SLC16A10: variants seen among roughly 807,000 people sequenced by gnomAD.
The protein encoded by SLC16A10 is monocarboxylate transporter 10.
In SLC16A10, 27 loss-of-function variants were observed where a neutral mutation model predicts 40.0. The observed-to-expected ratio is 0.67, with a 90% confidence interval of 0.50 to 0.93. The LOEUF is 0.93. SLC16A10 is among the 40% of genes least tolerant of loss of function. SLC16A10 has a pLI of 0.00. For synonymous variants in SLC16A10, 213 were observed against 249.8 expected, an observed-to-expected ratio of 0.85 and a Z score of 1.39; for missense variants, 529 against 658.2, an observed-to-expected ratio of 0.80 and a Z score of 2.15.
At position 111,177,422 on chromosome 6, in the gene SLC16A10, A is replaced by G; in HGVS notation, c.699A>G (p.Thr233=). 6.2e-7 allele frequency: 1 copy of G among 1,613,998 alleles called. No individual in the cohort carries two copies. The highest frequency in any genetic ancestry group is 8.5e-7 in the Non-Finnish European group (1 of 1,179,986). ...VLIDSVGLFY[T]LRVLCIFMFV... Reference sequence around the variant, plus strand: ...TTGACAGCGTGGGCCTCTTTTACACATTGAGGGTGCTCTGCATCTTCATGT... The same window carrying G: ...TTGACAGCGTGGGCCTCTTTTACACGTTGAGGGTGCTCTGCATCTTCATGT... Residue 233 remains threonine, a synonymous_variant, in exon 3 of 6, where the codon ACA becomes ACG. Coordinates refer to ENST00000368851, the MANE Select transcript of SLC16A10 (RefSeq NM_018593.5).
intron 2 of SLC16A10, among the ~76,000 whole-genome samples, chr6:111,174,181 C>A (rs1035198091): frequency 6.6e-6 from 1 of 152,176 alleles, no homozygotes. Context: ...TGATTTCCAT[C>A]CTTTGTCTCT....
chr6:111,162,449 G>A (rs879658779), intron 1 of SLC16A10, among the ~76,000 whole-genome samples: 7 of 152,200 alleles, frequency 4.6e-5, no homozygotes, highest in Non-Finnish European at 1.0e-4. Flanking sequence ...TCTGTACAGG[G>A]ACTGTGTAGA....
At chr6:111,150,430 G>A (rs1277690101) in intron 1 of SLC16A10, among the ~76,000 whole-genome samples, 1 of 152,104 alleles carries the variant, frequency 6.6e-6, no homozygotes, top group Non-Finnish European at 1.5e-5. Flanking sequence ...TAGACTGTCT[G>A]GCACATTGTA....
At chr6:111,124,594 C>T (rs975499115) in intron 1 of SLC16A10, among the ~76,000 whole-genome samples, 4 of 152,144 alleles carry the variant, frequency 2.6e-5, no homozygotes, top group African/African-American at 9.7e-5. Context: ...AACTCCTGGG[C>T]TCGGGCCATC....
intron 3 of SLC16A10, among the ~76,000 whole-genome samples, chr6:111,198,595 A>C (rs1773117436): frequency 6.6e-6 from 1 of 152,230 alleles, no homozygotes; most frequent in Non-Finnish European, 1.5e-5. Context: ...TGCTGTAGGC[A>C]GTTGTAACAC....
At chr6:111,094,812 A>G (rs1022152988) in intron 1 of SLC16A10, among the ~76,000 whole-genome samples, 9 of 152,078 alleles carry the variant, frequency 5.9e-5, no homozygotes, top group Admixed American at 6.5e-5. Flanking sequence ...TAATTAAAAA[A>G]AATTTTTATG....
At chr6:111,210,501 T>C in intron 4 of SLC16A10, among the ~76,000 whole-genome samples, 1 of 152,226 alleles carries the variant, frequency 6.6e-6, no homozygotes, top group East Asian at 1.9e-4. Flanking sequence ...CTTTCAGCTT[T>C]CATACATTCA....
chr6:111,109,403 A>C (rs1771344573), intron 1 of SLC16A10, among the ~76,000 whole-genome samples: 1 of 149,624 alleles, frequency 6.7e-6, no homozygotes, highest in African/African-American at 2.4e-5. Context: ...ATGTATTAGT[A>C]GTTCTTTCTT....
chr6:111,149,446 T>A (rs907528259), intron 1 of SLC16A10, among the ~76,000 whole-genome samples: 1 of 152,228 alleles, frequency 6.6e-6, no homozygotes, highest in Admixed American at 6.5e-5. Flanking sequence ...TTGTTCATCA[T>A]AATGGATCAT....
intron 3 of SLC16A10, among the ~76,000 whole-genome samples, chr6:111,195,351 T>C (rs1773062531): frequency 1.3e-5 from 2 of 151,982 alleles, no homozygotes; most frequent in Admixed American, 1.3e-4. Context: ...ATACTGAAAG[T>C]TGTATGGTGG....
chr6:111,170,739 G>A (rs913482007), intron 1 of SLC16A10, among the ~76,000 whole-genome samples: 5 of 152,136 alleles, frequency 3.3e-5, no homozygotes, highest in East Asian at 1.9e-4. Flanking sequence ...GTGAGCCACC[G>A]CACCCAGCCT....
intron 1 of SLC16A10, among the ~76,000 whole-genome samples, chr6:111,097,397 C>T (rs769997264): frequency 3.9e-5 from 6 of 152,066 alleles, no homozygotes; most frequent in East Asian, 1.9e-4. Context: ...CTGCAACCTC[C>T]GATGCCTGGG....
At chr6:111,158,589 T>A (rs1000536877) in intron 1 of SLC16A10, among the ~76,000 whole-genome samples, 1 of 152,182 alleles carries the variant, frequency 6.6e-6, no homozygotes, top group African/African-American at 2.4e-5. Context: ...ACCACTCACC[T>A]CCTGCTGTGT....
chr6:111,177,472 C>G lies in SLC16A10; in HGVS notation c.749C>G (p.Thr250Ser). Residue 250 changes from threonine to serine, a missense_variant, in exon 3 of 6, where the codon ACT (threonine) becomes AGT (serine). Transcript: ENST00000368851. ...FMFVLFLAGFTYRPLATSTKD... is the reference protein window; with the variant it reads ...FMFVLFLAGFSYRPLATSTKD... The stretch of plus-strand genomic sequence containing the variant: ...TTTGTTCTCTTTCTGGCTGGCTTTA[C>G]TTACCGACCTCTTGCTACCAGTACC... The G allele has an allele frequency of 1.9e-6, 3 of 1,614,100 alleles. No individual in the cohort carries two copies. In the South Asian group the frequency reaches 3.3e-5, roughly 18 times the overall value.
Position 111,131,135 on chromosome 6 carries a change from C to T in SLC16A10, c.344-41560C>T, listed in dbSNP as rs770479187. Among the ~76,000 whole-genome samples the T allele has an allele frequency of 3.9e-5, 6 of 152,352 alleles. No individual in the cohort carries two copies. In the East Asian group the frequency reaches 5.8e-4, roughly 15 times the overall value. ...TTATGGCTCAAGCTGAGCTTTCGCT[C>T]GCTGTCCACCACTGCTGTTTGCTGC... On this transcript the variant is annotated intron_variant, in intron 1 of 5. Transcript: ENST00000368851.
chr6:111,180,985 C>T (rs1042983320), intron 3 of SLC16A10, among the ~76,000 whole-genome samples: 1 of 152,124 alleles, frequency 6.6e-6, no homozygotes, highest in African/African-American at 2.4e-5. Flanking sequence ...GAGGCCAAGG[C>T]AGGTGTATCA....
Position 111,226,093 on chromosome 6 carries a change from GGAA to G in SLC16A10, c.*3862_*3864del, listed in dbSNP as rs1770989890. The G allele has an allele frequency of 6.6e-6, 1 of 151,938 alleles. No homozygotes were observed. The highest frequency in any genetic ancestry group is 2.1e-4 in the South Asian group (1 of 4,824). 9.4% of individuals were successfully genotyped at this position (151,938 alleles called of 1,614,324 possible). A position where few individuals can be genotyped will look rare whatever the true frequency, so the allele number is the denominator to read the frequency against. On this transcript the variant is annotated 3_prime_UTR_variant, in exon 6 of 6. Transcript: ENST00000368851. Reference sequence around the variant, plus strand: ...AAATTACATGACTGAAATATTTAAGGGAAGAAATAAATTTCATACAAATTAGTA... The same window carrying G: ...AAATTACATGACTGAAATATTTAAGGGAAATAAATTTCATACAAATTAGTA...
In SLC16A10 at chr6:111,166,943, T is replaced by G. The variant is rs950750060; in HGVS notation, c.344-5752T>G. Among the ~76,000 whole-genome samples the G allele has an allele frequency of 2.0e-5, 3 of 152,326 alleles. No homozygotes were observed. In the East Asian group the frequency reaches 5.8e-4, roughly 29 times the overall value. On this transcript the variant is annotated intron_variant, in intron 1 of 5. Coordinates refer to ENST00000368851, the MANE Select transcript of SLC16A10 (RefSeq NM_018593.5). ...TCTGATGTCAAACATACACACATAT[T>G]CAAATAAGAGTTATACAAGCACATC...
rs1189982762 is a variant in SLC16A10 at position 111,229,947 on chromosome 6, CAGATGAATTGA to C, written c.*7713_*7723del. The C allele has an allele frequency of 2.1e-5, 3 of 145,062 alleles. No homozygotes were observed. Among genetic ancestry groups the C allele is most frequent in the Non-Finnish European group, 3.0e-5 (2 of 66,868 alleles). 9.0% of individuals were successfully genotyped at this position (145,062 alleles called of 1,614,324 possible). A position where few individuals can be genotyped will look rare whatever the true frequency, so the allele number is the denominator to read the frequency against. On this transcript the variant is annotated 3_prime_UTR_variant, in exon 6 of 6. Transcript: ENST00000368851. Reference sequence around the variant, plus strand: ...TCTTTAATGTTCTGTAGGTAGGATTCAGATGAATTGAGAATGACAGGTTTCTTTTTCTTTCT... The same window carrying C: ...TCTTTAATGTTCTGTAGGTAGGATTCGAATGACAGGTTTCTTTTTCTTTCT...
Sources: allele counts gnomAD v4.1 joint callset (sites outside exome capture counted in the v4.1 genomes callset), GRCh38; gene constraint gnomAD v4.1.1; transcripts MANE v1.5; gene names NCBI Gene and HGNC (gene_info 2026-07-23, HGNC 2026-07-21).